Variants in CCDC7 observed in about 807,000 individuals in gnomAD.
CCDC7 encodes the protein coiled-coil domain containing 7.
In CCDC7, 183 loss-of-function variants were observed where a neutral mutation model predicts 196.9. The ratio of observed to expected loss-of-function variants is 0.93; its 90% CI spans 0.82 to 1.05. The LOEUF is 1.05. CCDC7 is among the 50% of genes least tolerant of loss of function. The pLI, the probability that CCDC7 is intolerant of heterozygous loss-of-function variation, is 0.00. For missense variants in CCDC7, 1,540 were observed against 1,482.2 expected, an observed-to-expected ratio of 1.04 and a Z score of -0.64; for synonymous variants, 525 against 484.6, an observed-to-expected ratio of 1.08 and a Z score of -1.10.
intron 29 of CCDC7, among the ~76,000 whole-genome samples, chr10:32,803,846 C>T (rs1414288520): frequency 2.6e-5 from 4 of 151,904 alleles, no homozygotes; most frequent in South Asian, 2.1e-4. Flanking sequence ...TTTTTATATT[C>T]GTCTTTTCAT....
chr10:32,617,952 C>A (rs1158897405), intron 18 of CCDC7, among the ~76,000 whole-genome samples: 1 of 151,764 alleles, frequency 6.6e-6, no homozygotes, highest in African/African-American at 2.4e-5. Flanking sequence ...ATTGTTGTAT[C>A]CTTTGCTGAA....
chr10:32,508,987 T>C (rs866361091), intron 9 of CCDC7, among the ~76,000 whole-genome samples: 65 of 133,982 alleles, frequency 4.9e-4, no homozygotes, highest in African/African-American at 1.5e-3. Context: ...CAGGCTGGAG[T>C]GCAGTGCCAT....
chr10:32,588,807 C>T (rs576245050), intron 18 of CCDC7, among the ~76,000 whole-genome samples: 71 of 151,702 alleles, frequency 4.7e-4, no homozygotes, highest in African/African-American at 1.4e-3. Context: ...TTATGATTAC[C>T]GGTTCAATTT....
At chr10:32,571,938 A>G (rs773144199) in intron 16 of CCDC7, 45 bp downstream of exon 17, 1 of 1,531,522 alleles carries the variant, frequency 6.5e-7, no homozygotes, top group South Asian at 1.3e-5. Flanking sequence ...TCTAATCTTT[A>G]TCAGTTCACA....
At chr10:32,630,307 G>A (rs1418311382) in intron 18 of CCDC7, among the ~76,000 whole-genome samples, 1 of 151,680 alleles carries the variant, frequency 6.6e-6, no homozygotes, top group East Asian at 1.9e-4. Flanking sequence ...ATATATATGG[G>A]TACCATATAT....
intron 18 of CCDC7, among the ~76,000 whole-genome samples, chr10:32,605,657 G>A (rs1054602971): frequency 6.6e-6 from 1 of 152,170 alleles, no homozygotes; most frequent in Non-Finnish European, 1.5e-5. Flanking sequence ...AGGGATTTGT[G>A]GAAGTTTAGA....
chr10:32,710,778 T>G (rs955270708), intron 24 of CCDC7, among the ~76,000 whole-genome samples: 9 of 152,214 alleles, frequency 5.9e-5, no homozygotes, highest in Non-Finnish European at 1.2e-4. Flanking sequence ...TGTGCTTAAT[T>G]GACCACCCTG....
intron 25 of CCDC7, among the ~76,000 whole-genome samples, chr10:32,724,904 T>A (rs1193647594): frequency 2.0e-5 from 3 of 152,050 alleles, no homozygotes; most frequent in Non-Finnish European, 2.9e-5. Flanking sequence ...ACATCCAGTG[T>A]GGGATGGAAA....
chr10:32,815,149 A>T (rs2088127920), intron 31 of CCDC7, among the ~76,000 whole-genome samples: 1 of 152,192 alleles, frequency 6.6e-6, no homozygotes, highest in African/African-American at 2.4e-5. Flanking sequence ...TTGCTATAAT[A>T]CATTATCTAA....
intron 9 of CCDC7, chr10:32,511,256 G>GGC (rs2046082842): frequency 1.5e-6 from 1 of 660,706 alleles, no homozygotes; most frequent in Admixed American, 3.0e-5. Context: ...TTATTCTGTG[G>GGC]GGGGCGGGGG....
intron 28 of CCDC7, among the ~76,000 whole-genome samples, chr10:32,775,745 C>T (rs879168037): frequency 6.6e-6 from 1 of 152,142 alleles, no homozygotes; most frequent in Admixed American, 6.5e-5. Context: ...AAGATTTGTC[C>T]TTCACACATG....
intron 5 of CCDC7, among the ~76,000 whole-genome samples, chr10:32,465,585 C>T (rs1464632394): frequency 6.6e-6 from 1 of 152,124 alleles, no homozygotes; most frequent in Non-Finnish European, 1.5e-5. Flanking sequence ...AGAGTCCCCT[C>T]CTAAACCCAA....
intron 21 of CCDC7, among the ~76,000 whole-genome samples, chr10:32,667,398 CT>C (rs1475327067): frequency 6.6e-6 from 1 of 152,098 alleles, no homozygotes; most frequent in African/African-American, 2.4e-5. Flanking sequence ...TCAATTTTGG[CT>C]TTTGTTGCCA....
chr10:32,656,672 T>C (rs925880945), intron 20 of CCDC7, among the ~76,000 whole-genome samples: 1 of 152,162 alleles, frequency 6.6e-6, no homozygotes, highest in African/African-American at 2.4e-5. Flanking sequence ...GGAGCTACAA[T>C]TCAAGATGAG....
At chr10:32,688,844 G>A (rs1207672108) in intron 22 of CCDC7, among the ~76,000 whole-genome samples, 2 of 152,138 alleles carry the variant, frequency 1.3e-5, no homozygotes, top group Non-Finnish European at 2.9e-5. Context: ...TATTCAAAGT[G>A]CAGGAATATT....
At chr10:32,707,666 A>G (rs1347503972) in intron 24 of CCDC7, among the ~76,000 whole-genome samples, 1 of 152,202 alleles carries the variant, frequency 6.6e-6, no homozygotes, top group East Asian at 1.9e-4. Context: ...AAACGTTCCT[A>G]CACACCAATA....
At chr10:32,822,429 A>T (rs2090414938) in intron 31 of CCDC7, among the ~76,000 whole-genome samples, 1 of 152,188 alleles carries the variant, frequency 6.6e-6, no homozygotes, top group African/African-American at 2.4e-5. Context: ...AGCAAGAATA[A>T]AAATAACCAA....
downstream of CCDC7, among the ~76,000 whole-genome samples, chr10:32,880,040 G>T (rs2094732396): frequency 6.6e-6 from 1 of 152,110 alleles, no homozygotes; most frequent in South Asian, 2.1e-4. Flanking sequence ...ATAATAGAAT[G>T]ATTTACATTC....
chr10:32,596,897 T>C (rs1276482176), intron 18 of CCDC7, among the ~76,000 whole-genome samples: 1 of 152,266 alleles, frequency 6.6e-6, no homozygotes, highest in Non-Finnish European at 1.5e-5. Flanking sequence ...AGACATCTGC[T>C]GTTAGTCTGA....
Sources: gnomAD v4.1 joint callset for allele counts (sites outside exome capture counted in the v4.1 genomes callset) on GRCh38, gnomAD v4.1.1 for gene constraint, MANE v1.5 for transcripts, NCBI Gene and HGNC (gene_info 2026-07-23, HGNC 2026-07-21) for gene names.